Variants in NKAIN2 observed in about 807,000 individuals in gnomAD.
NKAIN2 encodes the protein sodium/potassium-transporting ATPase subunit beta-1-interacting protein 2.
Under a neutral mutation model 32.6 loss-of-function variants are expected in NKAIN2, and 14 were observed. The observed-to-expected ratio is 0.43, with a 90% CI of 0.28 to 0.67. The LOEUF is 0.67. Among genes scored for constraint, NKAIN2 ranks in the 30% least tolerant of loss-of-function variants. NKAIN2 has a pLI of 0.17. For missense variants in NKAIN2, 198 were observed against 258.3 expected, an observed-to-expected ratio of 0.77 and a Z score of 1.60; for synonymous variants, 80 against 87.2, an observed-to-expected ratio of 0.92 and a Z score of 0.46.
rs556196415 is a variant in NKAIN2, at chr6:124,742,815, T to A, written c.475-48524T>A. Among the ~76,000 whole-genome samples, 3 of 151,940 alleles carry A rather than the reference T, an allele frequency of 2.0e-5. No individual in the cohort carries two copies. The South Asian group carries it at 6.2e-4, about 31-fold the overall frequency. On this transcript the variant is annotated intron_variant, in intron 4 of 6. Coordinates refer to ENST00000368417, the MANE Select transcript of NKAIN2 (RefSeq NM_001040214.3). ...CATCCAAGCCTTGGGCCTGTATGAG[T>A]CCTGGAGTTCTGCTTCCTGGAAGAT...
intron 3 of NKAIN2, among the ~76,000 whole-genome samples, chr6:124,600,215 T>C (rs1223593854): frequency 2.6e-5 from 4 of 152,072 alleles, no homozygotes; most frequent in African/African-American, 4.8e-5. Flanking sequence ...CCCACAGATA[T>C]ATTGAACATT....
intron 4 of NKAIN2, among the ~76,000 whole-genome samples, chr6:124,743,050 T>C (rs1777291251): frequency 6.6e-6 from 1 of 151,912 alleles, no homozygotes; most frequent in South Asian, 2.1e-4. Context: ...GTCCAGCACA[T>C]TGTAGGCCAT....
At chr6:124,429,810 C>G (rs1453601155) in intron 3 of NKAIN2, among the ~76,000 whole-genome samples, 5 of 152,152 alleles carry the variant, frequency 3.3e-5, no homozygotes, top group Non-Finnish European at 7.3e-5. Flanking sequence ...GCTGCCAGGT[C>G]TTTTCACGTC....
chr6:124,604,840 T>G (rs2114987306), intron 3 of NKAIN2, among the ~76,000 whole-genome samples: 1 of 152,072 alleles, frequency 6.6e-6, no homozygotes, highest in South Asian at 2.1e-4. Flanking sequence ...ACCACCTGGC[T>G]TTGACATTAT....
chr6:124,331,528 C>CAAAA (rs764118499), intron 2 of NKAIN2, among the ~76,000 whole-genome samples: 2 of 66,908 alleles, frequency 3.0e-5, no homozygotes, highest in African/African-American at 5.4e-5. Context: ...GACTCCGTCT[C>CAAAA]AAAAAAAAAA....
intron 1 of NKAIN2, among the ~76,000 whole-genome samples, chr6:124,142,948 CAG>C (rs1374386456): frequency 6.6e-6 from 1 of 152,060 alleles, no homozygotes; most frequent in African/African-American, 2.4e-5. Context: ...GATCTAAATC[CAG>C]ATCTCTTCAC....
intron 1 of NKAIN2, among the ~76,000 whole-genome samples, chr6:123,930,167 C>T (rs1776188483): frequency 6.6e-6 from 1 of 152,026 alleles, no homozygotes; most frequent in Non-Finnish European, 1.5e-5. Context: ...TCCCAAGTAC[C>T]AGCTTATACT....
At chr6:124,656,709 C>T (rs752740661) in intron 3 of NKAIN2, among the ~76,000 whole-genome samples, 5 of 152,098 alleles carry the variant, frequency 3.3e-5, no homozygotes, top group Non-Finnish European at 7.4e-5. Flanking sequence ...CCATCACCCC[C>T]CTACCCACCA....
At chr6:124,404,461 T>G (rs537581185) in intron 3 of NKAIN2, among the ~76,000 whole-genome samples, 1 of 152,302 alleles carries the variant, frequency 6.6e-6, no homozygotes, top group African/African-American at 2.4e-5. Context: ...CCTGAGTTTC[T>G]TTCCTTCTCC....
At chr6:124,760,648 A>G (rs1025908546) in intron 4 of NKAIN2, among the ~76,000 whole-genome samples, 1 of 152,014 alleles carries the variant, frequency 6.6e-6, no homozygotes, top group Non-Finnish European at 1.5e-5. Flanking sequence ...CCTGCAGTTA[A>G]TAAGTGTCCC....
chr6:124,583,642 G>C (rs1024864666), intron 3 of NKAIN2, among the ~76,000 whole-genome samples: 1 of 152,216 alleles, frequency 6.6e-6, no homozygotes, highest in Middle Eastern at 3.4e-3. Flanking sequence ...TCCATCAGCA[G>C]ACATATGGTA....
chr6:124,696,184 G>A (rs1432045539), intron 4 of NKAIN2, among the ~76,000 whole-genome samples: 3 of 152,170 alleles, frequency 2.0e-5, no homozygotes, highest in Non-Finnish European at 4.4e-5. Flanking sequence ...GCTTGCTTTG[G>A]AGGAGAGGGG....
intron 1 of NKAIN2, among the ~76,000 whole-genome samples, chr6:124,097,401 TAAAAAAA>T (rs35090835): frequency 7.5e-6 from 1 of 132,462 alleles, no homozygotes; most frequent in African/African-American, 2.8e-5. Flanking sequence ...GACTTCGTCT[TAAAAAAA>T]AAAAAAAAAA....
intron 3 of NKAIN2, among the ~76,000 whole-genome samples, chr6:124,542,254 A>C (rs117797239): frequency 3.3e-5 from 5 of 152,158 alleles, no homozygotes; most frequent in Non-Finnish European, 5.9e-5. Context: ...GAATTTAAGA[A>C]GACAAAATAC....
At chr6:124,481,404 A>T (rs1300984009) in intron 3 of NKAIN2, among the ~76,000 whole-genome samples, 26 of 151,996 alleles carry the variant, frequency 1.7e-4, no homozygotes, top group Admixed American at 1.7e-3. Context: ...ATAAACACAG[A>T]TATTATTACT....
chr6:124,033,995 A>G (rs1263232669), intron 1 of NKAIN2, among the ~76,000 whole-genome samples: 3 of 152,222 alleles, frequency 2.0e-5, no homozygotes, highest in Non-Finnish European at 2.9e-5. Flanking sequence ...TGCTTTGATA[A>G]CAGCATGTTT....
At chr6:124,764,533 T>C (rs1251831790) in intron 4 of NKAIN2, among the ~76,000 whole-genome samples, 2 of 152,136 alleles carry the variant, frequency 1.3e-5, no homozygotes, top group Admixed American at 1.3e-4. Flanking sequence ...GAAGAGTCTA[T>C]GGGATAAAAA....
chr6:124,150,411 A>C (rs2114388208), intron 1 of NKAIN2, among the ~76,000 whole-genome samples: 1 of 152,234 alleles, frequency 6.6e-6, no homozygotes, highest in Middle Eastern at 3.4e-3. Context: ...TCATTCAATA[A>C]ATTATACATG....
intron 3 of NKAIN2, among the ~76,000 whole-genome samples, chr6:124,477,692 C>T (rs1777277196): frequency 8.8e-6 from 1 of 113,248 alleles, no homozygotes; most frequent in African/African-American, 3.3e-5. Flanking sequence ...TCCCCTCTCC[C>T]TCATCCTCTC....
Sources: gnomAD v4.1 joint callset for allele counts (sites outside exome capture counted in the v4.1 genomes callset) on GRCh38, gnomAD v4.1.1 for gene constraint, MANE v1.5 for transcripts, NCBI Gene and HGNC (gene_info 2026-07-23, HGNC 2026-07-21) for gene names.